The following COL25A1 variants were observed in gnomAD, a reference collection of about 807,000 sequenced individuals.
COL25A1 encodes collagen alpha-1(XXV) chain.
COL25A1 carries 103 observed loss-of-function variants against 128.4 expected under a neutral mutation model. The observed-to-expected ratio is 0.80, with a 90% confidence interval of 0.68 to 0.94. COL25A1 has a LOEUF of 0.94. COL25A1 is among the 40% of genes least tolerant of loss of function. The pLI, the probability that COL25A1 is intolerant of heterozygous loss-of-function variation, is 0.00. For missense variants in COL25A1, 745 were observed against 840.0 expected, an observed-to-expected ratio of 0.89 and a Z score of 1.40; for synonymous variants, 279 against 277.2, an observed-to-expected ratio of 1.01 and a Z score of -0.06.
chr4:108,931,920 G>A (rs1331264446), intron 11 of COL25A1, among the ~76,000 whole-genome samples: 2 of 152,214 alleles, frequency 1.3e-5, no homozygotes, highest in East Asian at 3.8e-4. Flanking sequence ...TAAAGCATTA[G>A]AATGGTTGCT....
chr4:108,899,604 A>G (rs888938073), intron 14 of COL25A1, among the ~76,000 whole-genome samples: 15 of 152,156 alleles, frequency 9.9e-5, no homozygotes, highest in Admixed American at 1.3e-4. Flanking sequence ...CCCGGTTCAT[A>G]GATCATTTCC....
At chr4:109,064,350 T>C (rs931853644) in intron 3 of COL25A1, among the ~76,000 whole-genome samples, 16 of 152,208 alleles carry the variant, frequency 1.1e-4, no homozygotes, top group African/African-American at 3.9e-4. Flanking sequence ...CATTTGTTCT[T>C]GTATTTGGGC....
In COL25A1 at chr4:109,168,312, T is replaced by C. The variant is rs533572890; in HGVS notation, c.368-118133A>G. 2.0e-5 allele frequency among the ~76,000 whole-genome samples: 3 copies of C among 152,306 alleles called. No individual in the cohort carries two copies. In the East Asian group the frequency reaches 5.8e-4, roughly 29 times the overall value. On this transcript the variant is annotated intron_variant, in intron 3 of 37. Transcript: ENST00000399132. ...ATTTATTAGATCATGCTCACCATCA[T>C]GGACTGAAGAAATATTACCAAATAA...
At chr4:108,840,172 G>A (rs577279714) in intron 31 of COL25A1, among the ~76,000 whole-genome samples, 7 of 151,096 alleles carry the variant, frequency 4.6e-5, no homozygotes, top group Non-Finnish European at 7.4e-5. Flanking sequence ...AACCCAGGAG[G>A]CGGAGGTTGC....
chr4:109,147,281 G>A (rs530601202), intron 3 of COL25A1, among the ~76,000 whole-genome samples: 1 of 152,182 alleles, frequency 6.6e-6, no homozygotes, highest in East Asian at 1.9e-4. Context: ...TCTAACCCAA[G>A]GAAACAGGAA....
At chr4:109,189,672 A>G (rs1560837343) in intron 3 of COL25A1, among the ~76,000 whole-genome samples, 1 of 151,994 alleles carries the variant, frequency 6.6e-6, no homozygotes, top group Non-Finnish European at 1.5e-5. Flanking sequence ...AGTCCACCTC[A>G]GCACTGTATC....
chr4:109,134,375 C>G (rs1442905968), intron 3 of COL25A1, among the ~76,000 whole-genome samples: 1 of 152,090 alleles, frequency 6.6e-6, no homozygotes, highest in Non-Finnish European at 1.5e-5. Context: ...ACAGTAGCAT[C>G]TGCAAGGAAA....
chr4:108,850,766 G>C (rs984400005), intron 26 of COL25A1, among the ~76,000 whole-genome samples: 1 of 152,044 alleles, frequency 6.6e-6, no homozygotes, highest in African/African-American at 2.4e-5. Context: ...ATAGAGTAGA[G>C]GCTCAAAAAT....
chr4:108,930,554 T>C (rs1453928966), intron 11 of COL25A1, among the ~76,000 whole-genome samples: 1 of 152,236 alleles, frequency 6.6e-6, no homozygotes, highest in East Asian at 1.9e-4. Context: ...AGATGAAATT[T>C]GGTCCTGTGA....
rs544060862 is a variant in COL25A1, at chr4:109,267,977, A to C, written c.367+32606T>G. ...CAAGATCGCTTCATTATTACAAAAA[A>C]AAATTTGCATTGTAGGAGAAATAAT... On this transcript the variant is annotated intron_variant, in intron 3 of 37. Transcript: ENST00000399132. 9.2e-5 allele frequency among the ~76,000 whole-genome samples: 14 copies of C among 152,318 alleles called. No homozygotes were observed. In the South Asian group the frequency reaches 2.5e-3, roughly 27 times the overall value.
chr4:108,994,727 T>G (rs1041221524), intron 6 of COL25A1, among the ~76,000 whole-genome samples: 1 of 152,188 alleles, frequency 6.6e-6, no homozygotes, highest in Non-Finnish European at 1.5e-5. Flanking sequence ...GACAGACACC[T>G]CATACAGGCG....
rs749746832 is a variant in COL25A1, at chr4:109,048,160, A to G, written c.420+8T>C. The G allele has an allele frequency of 6.2e-7, 1 of 1,613,094 alleles. No individual in the cohort carries two copies. The highest frequency in any genetic ancestry group is 1.1e-5 in the South Asian group (1 of 91,042). ...GCAAACAAGCCAAAGTGCAGCAAAC[A>G]TACTTACAGGAGGACCTATGGGGGG... On this transcript the variant is annotated splice_region_variant and intron_variant, in intron 5 of 37. Transcript: ENST00000399132.
chr4:109,059,005 C>T (rs1579231826), intron 3 of COL25A1, among the ~76,000 whole-genome samples: 1 of 152,098 alleles, frequency 6.6e-6, no homozygotes, highest in Non-Finnish European at 1.5e-5. Flanking sequence ...AGCACGAAGG[C>T]ACAGGCATAC....
At chr4:109,254,971 AC>A (rs1409131990) in intron 3 of COL25A1, among the ~76,000 whole-genome samples, 1 of 152,244 alleles carries the variant, frequency 6.6e-6, no homozygotes, top group Non-Finnish European at 1.5e-5. Flanking sequence ...GCAGAATTGC[AC>A]TAATGCAAAT....
At chr4:109,121,639 T>C (rs986090849) in intron 3 of COL25A1, among the ~76,000 whole-genome samples, 1 of 152,112 alleles carries the variant, frequency 6.6e-6, no homozygotes, top group Non-Finnish European at 1.5e-5. Flanking sequence ...ATGGCAAAGA[T>C]GTGGAGCAGA....
At chr4:109,131,772 C>A (rs1170758961) in intron 3 of COL25A1, among the ~76,000 whole-genome samples, 1 of 152,204 alleles carries the variant, frequency 6.6e-6, no homozygotes. Context: ...TCCCCATTCA[C>A]CAGGAACCCA....
intron 3 of COL25A1, among the ~76,000 whole-genome samples, chr4:109,242,935 T>C (rs1300625545): frequency 6.6e-6 from 1 of 152,058 alleles, no homozygotes; most frequent in Non-Finnish European, 1.5e-5. Flanking sequence ...AAATCTACTC[T>C]TTTAGCAATT....
intron 3 of COL25A1, among the ~76,000 whole-genome samples, chr4:109,113,747 T>G (rs777173054): frequency 1.3e-5 from 2 of 152,040 alleles, no homozygotes; most frequent in South Asian, 4.1e-4. Context: ...GCACTACATA[T>G]TTTCGTAAGC....
chr4:108,811,453 TC>T lies in COL25A1; in HGVS notation c.*2473del, dbSNP rs1271958575. 1 of 152,160 alleles carries T rather than the reference TC, an allele frequency of 6.6e-6. No individual in the cohort carries two copies. The highest frequency in any genetic ancestry group is 2.4e-5 in the African/African-American group (1 of 41,468). 9.4% of individuals were successfully genotyped at this position (152,160 alleles called of 1,614,324 possible). On this transcript the variant is annotated 3_prime_UTR_variant, in exon 38 of 38. Coordinates refer to ENST00000399132, the MANE Select transcript of COL25A1 (RefSeq NM_198721.4). ...AATTTTTTTATACATAAAGTGTTTT[TC>T]TTTTGATGTTGAGGTATCGTCTCCT... is the stretch of plus-strand genomic sequence containing the variant.
Sources: gnomAD v4.1 joint callset for allele counts (sites outside exome capture counted in the v4.1 genomes callset) on GRCh38, gnomAD v4.1.1 for gene constraint, MANE v1.5 for transcripts, NCBI Gene and HGNC (gene_info 2026-07-23, HGNC 2026-07-21) for gene names.